The following DYRK2 variants were observed in gnomAD, a reference collection of about 807,000 sequenced individuals.
DYRK2 encodes dual specificity tyrosine-phosphorylation-regulated kinase 2.
In DYRK2, 12 loss-of-function variants were observed where a neutral mutation model predicts 41.6. The observed-to-expected ratio is 0.29, with a 90% confidence interval of 0.18 to 0.47. The LOEUF is 0.47. DYRK2 is among the 20% of genes least tolerant of loss of function. DYRK2 has a pLI of 1.00. For missense variants in DYRK2, 678 were observed against 798.4 expected, an observed-to-expected ratio of 0.85 and a Z score of 1.82; for synonymous variants, 322 against 315.7, an observed-to-expected ratio of 1.02 and a Z score of -0.21.
At chr12:67,653,454 CT>C (rs3837459) in intron 2 of DYRK2, among the ~76,000 whole-genome samples, 2 of 77,440 alleles carry the variant, frequency 2.6e-5, no homozygotes, top group South Asian at 4.2e-4. Flanking sequence ...ATCTGGAAAG[CT>C]TTTAAGATTG....
Position 67,658,070 on chromosome 12 carries a change from A to G in DYRK2, c.1163A>G (p.Tyr388Cys), listed in dbSNP as rs768271747. 1.2e-6 allele frequency: 2 copies of G among 1,614,240 alleles called. No homozygotes were observed. Among genetic ancestry groups the G allele is most frequent in the South Asian group, 1.1e-5 (1 of 91,080 alleles). Residue 388 changes from tyrosine (Y) to cysteine (C), a missense_variant, in exon 3 of 3, where the codon TAC (tyrosine) becomes TGC (cysteine). Around this residue, in one of 2 missense-constraint regions of DYRK2, gnomAD observed 393 missense variants for 519.1 expected, o/e 0.76. Coordinates refer to ENST00000344096, the MANE Select transcript of DYRK2 (RefSeq NM_006482.3). This position sits in a 1 kb window ranked among gnomAD's most constrained non-coding sequence, Gnocchi z 4.3. ...RVYTYIQSRFYRAPEVILGAR... is the reference protein window; with the variant it reads ...RVYTYIQSRFCRAPEVILGAR... The stretch of plus-strand genomic sequence containing the variant: ...TACACGTACATCCAGTCGCGTTTTT[A>G]CCGGGCTCCAGAAGTGATCCTTGGG...
At position 67,658,557 on chromosome 12, in the gene DYRK2, G is replaced by A. The variant is rs779989013; in HGVS notation, c.1650G>A (p.Val550=). 2 of 1,614,128 alleles carry A rather than the reference G, an allele frequency of 1.2e-6. No individual in the cohort carries two copies. Among genetic ancestry groups the A allele is most frequent in the East Asian group, 2.2e-5 (1 of 44,880 alleles). ...CTCCCACCGGGGAGAAAACGTCAGT[G>A]AAAAGGATAACTGAGAGCACCGGTG... ...PKPPTGEKTS[V]KRITESTGAI... is the part of the protein sequence containing the mutation. Residue 550 remains valine, a synonymous_variant, in exon 3 of 3, where the codon GTG becomes GTA. Transcript: ENST00000344096. The surrounding 1 kb of genome is among the most constrained non-coding windows in gnomAD (Gnocchi z 4.3).
chr12:67,661,196 TTTGA>T lies in DYRK2; in HGVS notation c.*2487_*2490del, dbSNP rs1872614370. ...TAGAGCTGCTTTAATAAAATTCTAG[TTTGA>T]TTGTCATGTCAAAAAAAGAAAAATG... is the stretch of plus-strand genomic sequence containing the variant. On this transcript the variant is annotated 3_prime_UTR_variant, in exon 3 of 3. Coordinates refer to ENST00000344096, the MANE Select transcript of DYRK2 (RefSeq NM_006482.3). 6.0e-6 allele frequency: 1 copy of T among 166,814 alleles called. No homozygotes were observed. Among genetic ancestry groups the T allele is most frequent in the Non-Finnish European group, 1.5e-5 (1 of 68,100 alleles). 10.3% of individuals were successfully genotyped at this position (166,814 alleles called of 1,614,324 possible).
intron 2 of DYRK2, among the ~76,000 whole-genome samples, chr12:67,651,094 C>T (rs1306435943): frequency 1.3e-5 from 2 of 152,164 alleles, no homozygotes; most frequent in African/African-American, 4.8e-5. Flanking sequence ...TCTTCCCCCT[C>T]CCTCTGTCTG....
At chr12:67,650,805 G>A (rs1872300676) in intron 2 of DYRK2, among the ~76,000 whole-genome samples, 1 of 152,174 alleles carries the variant, frequency 6.6e-6, no homozygotes, top group African/African-American at 2.4e-5. Context: ...GTGATGGTTT[G>A]GAGGTCTTTT....
In DYRK2 at chr12:67,660,207, G is replaced by C. The variant is rs1872585426; in HGVS notation, c.*1494G>C. 6.0e-6 allele frequency: 1 copy of C among 166,850 alleles called. No homozygotes were observed. Among genetic ancestry groups the C allele is most frequent in the Admixed American group, 6.6e-5 (1 of 15,262 alleles). 10.3% of individuals were successfully genotyped at this position (166,850 alleles called of 1,614,324 possible). A position where few individuals can be genotyped will look rare whatever the true frequency, so the allele number is the denominator to read the frequency against. On this transcript the variant is annotated 3_prime_UTR_variant, in exon 3 of 3. Transcript: ENST00000344096. ...CTGCCTGTTTGGACAATAGGTTTTG[G>C]GTAGTACAGATTAGGATAAGTAAGC... is the stretch of plus-strand genomic sequence containing the variant.
chr12:67,656,527 AAC>A (rs1438891395), intron 2 of DYRK2, among the ~76,000 whole-genome samples: 1 of 152,214 alleles, frequency 6.6e-6, no homozygotes, highest in African/African-American at 2.4e-5. Context: ...CAAGTCTAAA[AAC>A]ACAGGGTTTT....
chr12:67,656,408 T>C (rs1872469532), intron 2 of DYRK2, among the ~76,000 whole-genome samples: 1 of 152,232 alleles, frequency 6.6e-6, no homozygotes, highest in Non-Finnish European at 1.5e-5. Flanking sequence ...GCTTGGTTTG[T>C]TGGGCTGAAT....
Position 67,659,987 on chromosome 12 carries a change from T to A in DYRK2, c.*1274T>A, listed in dbSNP as rs1872580188. 1 of 167,076 alleles carries A rather than the reference T, an allele frequency of 6.0e-6. No homozygotes were observed. 10.3% of individuals were successfully genotyped at this position (167,076 alleles called of 1,614,324 possible). On this transcript the variant is annotated 3_prime_UTR_variant, in exon 3 of 3. Transcript: ENST00000344096. The stretch of plus-strand genomic sequence containing the variant: ...ACTTTCTTTTGGATTGCACTGATTG[T>A]TTTTGTGGGAATGACACTTTATCTG...
Position 67,649,106 on chromosome 12 carries a change from C to G in DYRK2, c.-28C>G, listed in dbSNP as rs759323733. ...AGGACCGGCGGCGGCGACGGCAGCC[C>G]TGAAATGCATTTTCCTCTCCAGCGG... On this transcript the variant is annotated 5_prime_UTR_variant, in exon 1 of 3. Transcript: ENST00000344096. 5.3e-6 allele frequency: 8 copies of G among 1,499,152 alleles called. No individual in the cohort carries two copies. The highest frequency in any genetic ancestry group is 5.0e-5 in the South Asian group (4 of 79,986). The allele number at this position is 1,499,152 out of a possible 1,614,324, so 92.9% of individuals were successfully genotyped here. A position where few individuals can be genotyped will look rare whatever the true frequency, so the allele number is the denominator to read the frequency against.
chr12:67,655,927 A>G (rs1872456070), intron 2 of DYRK2, among the ~76,000 whole-genome samples: 1 of 152,228 alleles, frequency 6.6e-6, no homozygotes. Flanking sequence ...AGTGGACTTC[A>G]TCTAGTTAAT....
In DYRK2 at chr12:67,657,846, G is replaced by A; in HGVS notation, c.939G>A (p.Lys313=). ...LLSMNLYELI[K]KNKFQGFSLP... is the part of the protein sequence containing the mutation. ...GCATGAACCTCTATGAGCTCATCAA[G>A]AAGAATAAATTCCAGGGCTTCAGTC... Residue 313 remains lysine, a synonymous_variant, in exon 3 of 3, where the codon AAG becomes AAA. Transcript: ENST00000344096. This position sits in a 1 kb window ranked among gnomAD's most constrained non-coding sequence, Gnocchi z 4.8. 1 of 1,614,218 alleles carries A rather than the reference G, an allele frequency of 6.2e-7. No homozygotes were observed.
rs201261546 is a variant in DYRK2 at position 67,658,311 on chromosome 12, G to A, written c.1404G>A (p.Thr468=). 5 of 1,614,200 alleles carry A rather than the reference G, an allele frequency of 3.1e-6. No homozygotes were observed. Among genetic ancestry groups the A allele is most frequent in the East Asian group, 2.2e-5 (1 of 44,884 alleles). Residue 468 remains threonine, a synonymous_variant, in exon 3 of 3, where the codon ACG becomes ACA. Transcript: ENST00000344096. This position sits in a 1 kb window ranked among gnomAD's most constrained non-coding sequence, Gnocchi z 4.3. Reference sequence around the variant, plus strand: ...GTTATCCCCGTTACTGCACTGTCACGACTCTCTCAGATGGCTCTGTGGTCC... The same window carrying A: ...GTTATCCCCGTTACTGCACTGTCACAACTCTCTCAGATGGCTCTGTGGTCC... ...SKGYPRYCTV[T]TLSDGSVVLN... is the part of the protein sequence containing the mutation.
chr12:67,649,889 TC>T lies in DYRK2; in HGVS notation c.147del (p.Ile50SerfsTer25). 2.9e-6 allele frequency: 4 copies of T among 1,373,454 alleles called. No homozygotes were observed. The highest frequency in any genetic ancestry group is 2.0e-5 in the South Asian group (1 of 49,046). The allele number at this position is 1,373,454 out of a possible 1,614,324, so 85.1% of individuals were successfully genotyped here. ...TRSGVGTGPP[S>X]PIALPPLRAS... is the part of the protein sequence containing the mutation. ...GAGCGGAGTGGGGACTGGCCCGCCC[TC>T]CCCCATCGCCCTGCCGCCTCTCCGG... On this transcript the variant is annotated frameshift_variant, in exon 2 of 3. Transcript: ENST00000344096. LOFTEE classifies it high-confidence loss of function.
intron 2 of DYRK2, among the ~76,000 whole-genome samples, chr12:67,656,820 A>G (rs1355512287): frequency 2.0e-5 from 3 of 152,256 alleles, no homozygotes; most frequent in Admixed American, 6.5e-5. Context: ...TGAGTGGAAC[A>G]CCTATGATGT....
At chr12:67,655,056 G>T (rs1872426377) in intron 2 of DYRK2, among the ~76,000 whole-genome samples, 1 of 152,166 alleles carries the variant, frequency 6.6e-6, no homozygotes, top group Non-Finnish European at 1.5e-5. Flanking sequence ...ATAGAAGATG[G>T]TCGTTTCTTG....
rs757508984 is a variant in DYRK2 at position 67,658,049 on chromosome 12, C to T, written c.1142C>T (p.Thr381Met). The change falls in exon 3 of 3, where the codon ACG becomes ATG. Residue 381 changes from threonine (T) to methionine (M), a missense_variant. Physicochemically the swap from Thr to Met is moderately conservative, Grantham distance 81. Transcript: ENST00000344096. The surrounding 1 kb of genome is among the most constrained non-coding windows in gnomAD (Gnocchi z 4.3). The stretch of plus-strand genomic sequence containing the variant: ...TGTTACGAGCATCAGCGTGTCTACA[C>T]GTACATCCAGTCGCGTTTTTACCGG... ...SSCYEHQRVY[T>M]YIQSRFYRAP... The T allele has an allele frequency of 5.6e-6, 9 of 1,614,130 alleles. No homozygotes were observed. Among genetic ancestry groups the T allele is most frequent in the Admixed American group, 3.3e-5 (2 of 60,012 alleles).
At chr12:67,649,553 C>A in intron 1 of DYRK2, 1 of 419,938 alleles carries the variant, frequency 2.4e-6, no homozygotes, top group Non-Finnish European at 3.9e-6. Context: ...CCGGCGCGGC[C>A]CGGCTCCCCC....
At position 67,660,594 on chromosome 12, in the gene DYRK2, A is replaced by G. The variant is rs1592715823; in HGVS notation, c.*1881A>G. On this transcript the variant is annotated 3_prime_UTR_variant, in exon 3 of 3. Coordinates refer to ENST00000344096, the MANE Select transcript of DYRK2 (RefSeq NM_006482.3). ...TTAGTCAAATTTTTTAGCATATTAT[A>G]CACATTTCTGTGTAATCTGTGGAAG... 6.0e-6 allele frequency: 1 copy of G among 166,986 alleles called. No homozygotes were observed. The highest frequency in any genetic ancestry group is 1.9e-4 in the East Asian group (1 of 5,206). 10.3% of individuals were successfully genotyped at this position (166,986 alleles called of 1,614,324 possible).
Sources: allele counts gnomAD v4.1 joint callset (sites outside exome capture counted in the v4.1 genomes callset), GRCh38; gene constraint gnomAD v4.1.1; regional missense constraint gnomAD v4.1.1; non-coding constraint Gnocchi (gnomAD v3.1); transcripts MANE v1.5; gene names NCBI Gene and HGNC (gene_info 2026-07-23, HGNC 2026-07-21).